Variants in LAMA1 observed in about 807,000 individuals in gnomAD.
LAMA1 encodes the protein laminin subunit alpha-1.
In LAMA1, 219 loss-of-function variants were observed where a neutral mutation model predicts 348.7. The ratio of observed to expected loss-of-function variants is 0.63; its 90% confidence interval spans 0.56 to 0.70. LAMA1 has a LOEUF of 0.70. LAMA1 is among the 30% of genes least tolerant of loss of function. The probability of loss-of-function intolerance (pLI) is 0.00; values close to 1 mark genes in which losing one functional copy is unlikely to be tolerated. For missense variants in LAMA1, 3,744 were observed against 3,888.0 expected (o/e 0.96, Z 0.99); for synonymous variants, 1,487 against 1,491.0 (o/e 1.00, Z 0.06).
intron 3 of LAMA1, among the ~76,000 whole-genome samples, chr18:7,074,668 C>T (rs2058159655): frequency 6.6e-6 from 1 of 152,084 alleles, no homozygotes; most frequent in African/African-American, 2.4e-5. Context: ...TTATGCTTTA[C>T]TTTTCTTAAA....
At chr18:7,102,214 C>T (rs564455213) in intron 1 of LAMA1, among the ~76,000 whole-genome samples, 1 of 152,186 alleles carries the variant, frequency 6.6e-6, no homozygotes, top group Admixed American at 6.5e-5. Context: ...AGATGTTATG[C>T]TCATATTTCT....
chr18:7,007,124 C>G lies in LAMA1; in HGVS notation c.4260+15G>C. ...ACTTCTAAACTCAGGCAAGCACCCC[C>G]ACAAACCAGCATACCAGACACTTCC... On this transcript the variant is annotated intron_variant, in intron 29 of 62. Transcript: ENST00000389658. The G allele has an allele frequency of 6.2e-7, 1 of 1,613,652 alleles. No individual in the cohort carries two copies. Among genetic ancestry groups the G allele is most frequent in the Non-Finnish European group, 8.5e-7 (1 of 1,179,878 alleles).
At chr18:6,958,020 T>C (rs1159981765) in intron 55 of LAMA1, among the ~76,000 whole-genome samples, 2 of 152,126 alleles carry the variant, frequency 1.3e-5, no homozygotes, top group Non-Finnish European at 2.9e-5. Context: ...GACCTCATGA[T>C]CTGCCTGCCT....
At chr18:7,086,333 T>G (rs559485053) in intron 1 of LAMA1, among the ~76,000 whole-genome samples, 1 of 152,326 alleles carries the variant, frequency 6.6e-6, no homozygotes, top group African/African-American at 2.4e-5. Context: ...TAGGCAGAAA[T>G]AGAAGGGCAT....
At chr18:6,951,455 G>A (rs536631493) in intron 57 of LAMA1, among the ~76,000 whole-genome samples, 1 of 152,176 alleles carries the variant, frequency 6.6e-6, no homozygotes, top group African/African-American at 2.4e-5. Context: ...GCTGCGCCTG[G>A]GTAGGCCCTG....
intron 1 of LAMA1, among the ~76,000 whole-genome samples, chr18:7,110,941 T>G (rs1002601241): frequency 6.6e-6 from 1 of 150,916 alleles, no homozygotes; most frequent in Non-Finnish European, 1.5e-5. Context: ...TCTGCTAAAT[T>G]TAAGCATCTT....
intron 23 of LAMA1, among the ~76,000 whole-genome samples, chr18:7,012,674 T>A: frequency 6.7e-6 from 1 of 149,636 alleles, no homozygotes; most frequent in East Asian, 2.0e-4. Flanking sequence ...CCCAGCTAAT[T>A]TTGTATTTTT....
intron 3 of LAMA1, among the ~76,000 whole-genome samples, chr18:7,074,309 T>C (rs1370821992): frequency 6.6e-6 from 1 of 152,218 alleles, no homozygotes; most frequent in Admixed American, 6.5e-5. Context: ...CACTTCCCTA[T>C]TGAATAATGA....
chr18:7,021,695 ACTT>A (rs1264895594), intron 19 of LAMA1, among the ~76,000 whole-genome samples: 6 of 150,892 alleles, frequency 4.0e-5, no homozygotes, highest in African/African-American at 1.5e-4. Context: ...CATTTCACCT[ACTT>A]CTTTTTACTA....
rs1253021416 is a variant in LAMA1, at chr18:7,036,031, T to C, written c.1795A>G (p.Thr599Ala). 1 of 1,614,174 alleles carries C rather than the reference T, an allele frequency of 6.2e-7. No homozygotes were observed. Among genetic ancestry groups the C allele is most frequent in the South Asian group, 1.1e-5 (1 of 91,076 alleles). ...TGCGACATGAGGTTACTGTCTACCG[T>C]CTCTACCGGAATATCGTAGGACACC... The part of the protein sequence containing the change: ...YTVSYDIPVE[T>A]VDSNLMSHAD... Residue 599 changes from threonine (T) to alanine (A), a missense_variant, in exon 13 of 63, where the codon ACG becomes GCG. Transcript: ENST00000389658.
At chr18:7,072,917 T>C (rs1568055817) in intron 3 of LAMA1, among the ~76,000 whole-genome samples, 1 of 152,196 alleles carries the variant, frequency 6.6e-6, no homozygotes, top group Non-Finnish European at 1.5e-5. Context: ...CCGGGTCCTA[T>C]CAGCCTTGCC....
chr18:6,979,758 G>C (rs2057700927), intron 42 of LAMA1, among the ~76,000 whole-genome samples: 1 of 151,768 alleles, frequency 6.6e-6, no homozygotes, highest in African/African-American at 2.4e-5. Flanking sequence ...AATTAGCCGG[G>C]GACGGTGGCG....
intron 1 of LAMA1, among the ~76,000 whole-genome samples, chr18:7,085,569 C>T (rs568762389): frequency 7.9e-5 from 12 of 152,016 alleles, no homozygotes; most frequent in Middle Eastern, 3.4e-3. Context: ...TAGGCACCCG[C>T]CACCAAGCCC....
Position 6,999,444 on chromosome 18 carries a change from C to G in LAMA1, c.4663+1G>C. The G allele has an allele frequency of 6.2e-7, 1 of 1,614,210 alleles. No homozygotes were observed. Among genetic ancestry groups the G allele is most frequent in the Non-Finnish European group, 8.5e-7 (1 of 1,180,044 alleles). On this transcript the variant is annotated splice_donor_variant, in intron 32 of 62. Coordinates refer to ENST00000389658, the MANE Select transcript of LAMA1 (RefSeq NM_005559.4). LOFTEE classifies it high-confidence loss of function. ...TACACATTTAGAGGAGAAATACTCACAAACACAATCTGTTTCCATCAGAAT... is the reference window on the plus strand; with the variant it reads ...TACACATTTAGAGGAGAAATACTCAGAAACACAATCTGTTTCCATCAGAAT...
At chr18:7,054,408 C>T (rs892181002) in intron 3 of LAMA1, among the ~76,000 whole-genome samples, 3 of 152,148 alleles carry the variant, frequency 2.0e-5, no homozygotes, top group African/African-American at 7.2e-5. Flanking sequence ...GTTATTCAGC[C>T]TTAGCAAGCA....
At chr18:7,099,440 T>C (rs900786883) in intron 1 of LAMA1, among the ~76,000 whole-genome samples, 2 of 148,800 alleles carry the variant, frequency 1.3e-5, no homozygotes, top group African/African-American at 5.0e-5. Flanking sequence ...TCCCCCTCTG[T>C]GAGAAACACC....
At chr18:6,987,452 AC>A (rs1568019808) in intron 36 of LAMA1, among the ~76,000 whole-genome samples, 2 of 152,348 alleles carry the variant, frequency 1.3e-5, no homozygotes, top group African/African-American at 4.8e-5. Flanking sequence ...TATGATTTGT[AC>A]CATGGATAAA....
intron 3 of LAMA1, among the ~76,000 whole-genome samples, chr18:7,051,933 C>T (rs941347022): frequency 1.3e-5 from 2 of 152,194 alleles, no homozygotes; most frequent in African/African-American, 4.8e-5. Flanking sequence ...ACTCAGCAAT[C>T]ATGCTCCTGG....
intron 3 of LAMA1, among the ~76,000 whole-genome samples, chr18:7,073,906 C>T (rs57785075): frequency 0.017 from 2,635 of 152,076 alleles, 86 homozygotes; most frequent in African/African-American, 0.06. Flanking sequence ...GTGATCTCAG[C>T]TCACTGCAAC....
Sources: gnomAD v4.1 joint callset for allele counts (sites outside exome capture counted in the v4.1 genomes callset) on GRCh38, gnomAD v4.1.1 for gene constraint, MANE v1.5 for transcripts, NCBI Gene and HGNC (gene_info 2026-07-23, HGNC 2026-07-21) for gene names.